Variants in MEIS2 observed in about 807,000 individuals in gnomAD.
The protein encoded by MEIS2 is Meis homeobox 2.
Under a neutral mutation model 58.6 loss-of-function variants are expected in MEIS2, and 9 were observed. That is an observed-to-expected ratio of 0.15 (90% CI 0.09 to 0.27). The LOEUF (loss-of-function observed/expected upper bound fraction) is 0.27. Among genes scored for constraint, MEIS2 ranks in the 10% least tolerant of loss-of-function variants. The pLI, the probability that MEIS2 is intolerant of heterozygous loss-of-function variation, is 1.00. For missense variants in MEIS2, 427 were observed against 635.0 expected (o/e 0.67, Z 3.52); for synonymous variants, 221 against 228.4 (o/e 0.97, Z 0.29).
intron 7 of MEIS2, among the ~76,000 whole-genome samples, chr15:37,047,372 A>G (rs1475463614): frequency 2.6e-5 from 4 of 152,150 alleles, no homozygotes; most frequent in Non-Finnish European, 4.4e-5. Flanking sequence ...CCCTAAACAC[A>G]GAAGGCTGCT....
In MEIS2 at chr15:37,099,173, GCACACA is replaced by G. The variant is rs147531180; in HGVS notation, c.12+276_12+281del. On this transcript the variant is annotated intron_variant, in intron 1 of 11. Transcript: ENST00000561208. ...GCGAAAGCGTGTAACGATTGCACAC[GCACACA>G]CACACACCACTCACACGCACTCGCC... 8.7e-6 allele frequency: 11 copies of G among 1,270,888 alleles called. No homozygotes were observed. The East Asian group carries it at 3.2e-4, about 37-fold the overall frequency. The allele number at this position is 1,270,888 out of a possible 1,614,324, so 78.7% of individuals were successfully genotyped here.
chr15:36,912,664 T>G (rs1348331921), intron 9 of MEIS2, among the ~76,000 whole-genome samples: 4 of 152,160 alleles, frequency 2.6e-5, no homozygotes, highest in Non-Finnish European at 5.9e-5. Flanking sequence ...ATCAAAGCAT[T>G]TGGAGATTGC....
intron 9 of MEIS2, among the ~76,000 whole-genome samples, chr15:36,946,214 A>G (rs1208449921): frequency 1.1e-4 from 17 of 151,976 alleles, no homozygotes; most frequent in Admixed American, 1.1e-3. Flanking sequence ...AATGCAACTC[A>G]CCAAATGACT....
At chr15:36,895,492 C>T (rs2056126696) in intron 10 of MEIS2, among the ~76,000 whole-genome samples, 1 of 152,114 alleles carries the variant, frequency 6.6e-6, no homozygotes, top group Non-Finnish European at 1.5e-5. Flanking sequence ...GGGGTTCGTC[C>T]TCTGCAGCCC....
At chr15:36,967,361 G>A (rs998366372) in intron 8 of MEIS2, among the ~76,000 whole-genome samples, 2 of 152,036 alleles carry the variant, frequency 1.3e-5, no homozygotes, top group Non-Finnish European at 2.9e-5. Flanking sequence ...TCTTCAGCTG[G>A]GACACACATA....
intron 8 of MEIS2, among the ~76,000 whole-genome samples, chr15:36,961,445 G>A (rs2059178107): frequency 1.3e-5 from 2 of 152,016 alleles, no homozygotes; most frequent in African/African-American, 4.8e-5. Context: ...CAAACCACTT[G>A]ATAGTATTTA....
chr15:37,000,148 T>C (rs1033736272), intron 8 of MEIS2, among the ~76,000 whole-genome samples: 1 of 152,216 alleles, frequency 6.6e-6, no homozygotes, highest in Non-Finnish European at 1.5e-5. Flanking sequence ...CAATAATTTC[T>C]TTAGGCCTCA....
intron 9 of MEIS2, among the ~76,000 whole-genome samples, chr15:36,913,240 G>C (rs1355679404): frequency 6.6e-6 from 1 of 152,166 alleles, no homozygotes; most frequent in African/African-American, 2.4e-5. Flanking sequence ...TTAGCTATGT[G>C]ATGTTTTCAA....
intron 9 of MEIS2, among the ~76,000 whole-genome samples, chr15:36,916,835 A>G (rs1344977229): frequency 6.6e-6 from 1 of 152,238 alleles, no homozygotes; most frequent in Non-Finnish European, 1.5e-5. Flanking sequence ...CTGAATGCAT[A>G]CATGTATCCT....
chr15:36,970,102 GT>G (rs1164246515), intron 8 of MEIS2, among the ~76,000 whole-genome samples: 2 of 152,054 alleles, frequency 1.3e-5, no homozygotes, highest in African/African-American at 4.8e-5. Context: ...ATATAGTTTT[GT>G]TTAAAAATGC....
chr15:36,922,838 G>A (rs1368871661), intron 9 of MEIS2, among the ~76,000 whole-genome samples: 4 of 150,992 alleles, frequency 2.6e-5, no homozygotes, highest in Admixed American at 6.6e-5. Flanking sequence ...GGCTGCTCTC[G>A]AACTCCTGAC....
intron 8 of MEIS2, among the ~76,000 whole-genome samples, chr15:37,031,875 G>A (rs541882022): frequency 5.5e-5 from 8 of 145,702 alleles, no homozygotes; most frequent in South Asian, 4.3e-4. Context: ...GTTTCATTCC[G>A]TTGCTTAGGC....
chr15:36,963,861 G>A (rs994180815), intron 8 of MEIS2, among the ~76,000 whole-genome samples: 4 of 152,134 alleles, frequency 2.6e-5, no homozygotes, highest in Admixed American at 2.6e-4. Context: ...TGAACACATT[G>A]TCTGTTTTCA....
At chr15:36,953,709 A>G (rs916341934) in intron 8 of MEIS2, among the ~76,000 whole-genome samples, 1 of 152,206 alleles carries the variant, frequency 6.6e-6, no homozygotes, top group Non-Finnish European at 1.5e-5. Flanking sequence ...CTGTTCAAAA[A>G]GCTAAGAAGA....
At chr15:36,984,267 T>A (rs945851802) in intron 8 of MEIS2, among the ~76,000 whole-genome samples, 1 of 152,144 alleles carries the variant, frequency 6.6e-6, no homozygotes, top group African/African-American at 2.4e-5. Context: ...GAGTATTATG[T>A]TAGCTATAAG....
intron 7 of MEIS2, among the ~76,000 whole-genome samples, chr15:37,058,565 GT>G (rs1246689878): frequency 6.6e-6 from 1 of 152,194 alleles, no homozygotes; most frequent in Non-Finnish European, 1.5e-5. Flanking sequence ...TTGTCAAAAG[GT>G]TGTATCATGT....
intron 8 of MEIS2, among the ~76,000 whole-genome samples, chr15:36,967,808 A>G (rs1435160992): frequency 6.6e-6 from 1 of 152,046 alleles, no homozygotes; most frequent in African/African-American, 2.4e-5. Context: ...CCCTTTTTCT[A>G]TACACTGTGT....
intron 8 of MEIS2, among the ~76,000 whole-genome samples, chr15:36,974,730 G>A (rs1302141237): frequency 2.6e-5 from 4 of 152,174 alleles, no homozygotes; most frequent in Admixed American, 2.0e-4. Context: ...AGGTCCTACT[G>A]TTAAATCTGC....
At chr15:37,039,844 C>T (rs1259860281) in intron 7 of MEIS2, among the ~76,000 whole-genome samples, 1 of 152,120 alleles carries the variant, frequency 6.6e-6, no homozygotes, top group East Asian at 1.9e-4. Flanking sequence ...TATGTTTATA[C>T]CTCTATAAAA....
Sources: gnomAD v4.1 joint callset for allele counts (sites outside exome capture counted in the v4.1 genomes callset) on GRCh38, gnomAD v4.1.1 for gene constraint, MANE v1.5 for transcripts, NCBI Gene and HGNC (gene_info 2026-07-23, HGNC 2026-07-21) for gene names.